Variants in PILRB observed in about 807,000 individuals in gnomAD.
PILRB encodes paired immunoglobulin-like type 2 receptor beta.
PILRB carries 21 observed loss-of-function variants against 20.5 expected under a neutral mutation model. That is an observed-to-expected ratio of 1.02 (90% CI 0.72 to 1.47). The LOEUF (loss-of-function observed/expected upper bound fraction) is 1.47, where lower values mean the gene tolerates loss of function less well. Ranked by LOEUF, PILRB falls within the 40% of genes most tolerant of loss-of-function variation. The pLI is 0.00. For missense variants in PILRB, 253 were observed against 272.1 expected (o/e 0.93, Z 0.49); for synonymous variants, 133 against 115.1 (o/e 1.16, Z -0.99).
At chr7:100,367,144 C>G (rs766343161) in intron 3 of PILRB, among the ~76,000 whole-genome samples, 16 of 152,112 alleles carry the variant, frequency 1.1e-4, no homozygotes, top group Non-Finnish European at 1.9e-4. Flanking sequence ...CTGGGCCTCC[C>G]CAAGGGAGTG....
At position 100,364,694 on chromosome 7, in the gene PILRB, CTT is replaced by C. The variant is rs543554278; in HGVS notation, c.656-2654_656-2653del. Among the ~76,000 whole-genome samples, 225 of 152,358 alleles carry C rather than the reference CTT, an allele frequency of 1.5e-3. 1 individual carries two copies. Among genetic ancestry groups the C allele is most frequent in the Middle Eastern group, 6.8e-3 (2 of 294 alleles). On this transcript the variant is annotated intron_variant, in intron 3 of 3. Transcript: ENST00000609309. The stretch of plus-strand genomic sequence containing the variant: ...ACTACCATATGATCCAACAATCTCA[CTT>C]CTGGGCATCTATCCAACCAATTGAA...
rs1394542925 is a variant in PILRB, at chr7:100,366,261, T to TA, written c.656-1087dup. Among the ~76,000 whole-genome samples, 11 of 152,290 alleles carry TA rather than the reference T, an allele frequency of 7.2e-5. 1 individual carries two copies. The South Asian group carries it at 1.4e-3, about 20-fold the overall frequency. Reference sequence around the variant, plus strand: ...GAGCCACCGCACCCACCTTAGGTGTTAGGCTGGAAGGAGTGAAAGTTGCAA... The same window carrying TA: ...GAGCCACCGCACCCACCTTAGGTGTTAAGGCTGGAAGGAGTGAAAGTTGCAA... On this transcript the variant is annotated intron_variant, in intron 3 of 3. Transcript: ENST00000609309.
At position 100,358,913 on chromosome 7, in the gene PILRB, G is replaced by A; in HGVS notation, c.288G>A (p.Arg96=). 6.2e-7 allele frequency: 1 copy of A among 1,614,164 alleles called. No individual in the cohort carries two copies. Among genetic ancestry groups the A allele is most frequent in the Non-Finnish European group, 8.5e-7 (1 of 1,180,030 alleles). ...PPSIHKDYVN[R]LFLNWTEGQE... is the part of the protein sequence containing the mutation. ...CCATTCACAAGGATTATGTGAACCGGCTCTTTCTGAACTGGACAGAGGGTC... is the reference window on the plus strand; with the variant it reads ...CCATTCACAAGGATTATGTGAACCGACTCTTTCTGAACTGGACAGAGGGTC... Residue 96 remains arginine, a synonymous_variant, in exon 2 of 4, where the codon CGG becomes CGA. Transcript: ENST00000609309.
chr7:100,365,959 T>G (rs1790671958), intron 3 of PILRB, among the ~76,000 whole-genome samples: 1 of 149,832 alleles, frequency 6.7e-6, no homozygotes, highest in African/African-American at 2.5e-5. Context: ...GTTTTTTTTT[T>G]TTTTTTTTTT....
rs375389489 is a variant in PILRB at position 100,358,939 on chromosome 7, A to G, written c.314A>G (p.Gln105Arg). 5.6e-6 allele frequency: 9 copies of G among 1,614,060 alleles called. No homozygotes were observed. Among genetic ancestry groups the G allele is most frequent in the Non-Finnish European group, 5.1e-6 (6 of 1,180,038 alleles). Residue 105 changes from glutamine to arginine, a missense_variant, in exon 2 of 4, where the codon CAG becomes CGG. By Grantham distance (43) the Gln-to-Arg change is conservative. Coordinates refer to ENST00000609309, the MANE Select transcript of PILRB (RefSeq NM_178238.4). ...CTCTTTCTGAACTGGACAGAGGGTC[A>G]GGAGAGCGGCTTCCTCAGGATCTCA... is the stretch of plus-strand genomic sequence containing the variant. Reference protein sequence around the residue: ...NRLFLNWTEGQESGFLRISNL... With the variant: ...NRLFLNWTEGRESGFLRISNL...
intron 3 of PILRB, among the ~76,000 whole-genome samples, chr7:100,365,558 C>G (rs1790656815): frequency 1.3e-5 from 2 of 152,130 alleles, no homozygotes; most frequent in African/African-American, 4.8e-5. Context: ...GTGGCTCACG[C>G]CTGTGAGGAA....
chr7:100,362,596 C>G (rs551333474), intron 3 of PILRB, among the ~76,000 whole-genome samples: 2 of 152,056 alleles, frequency 1.3e-5, no homozygotes, highest in Admixed American at 1.3e-4. Flanking sequence ...GCAACTTCTG[C>G]CTCCCGGGTT....
chr7:100,366,914 C>T (rs528112114), intron 3 of PILRB, among the ~76,000 whole-genome samples: 117 of 151,910 alleles, frequency 7.7e-4, no homozygotes, highest in Middle Eastern at 6.8e-3. Flanking sequence ...GAGAACAGGT[C>T]GGGGGGGAGC....
rs568913855 is a variant in PILRB at position 100,367,419 on chromosome 7, G to A, written c.*42G>A. On this transcript the variant is annotated 3_prime_UTR_variant, in exon 4 of 4. Transcript: ENST00000609309. ...AGAAGGGATGTGTATTAGCCCCGGA[G>A]GACGTGATGTGAGACCCGCTTGTGA... The A allele has an allele frequency of 5.1e-6, 4 of 780,266 alleles. No individual in the cohort carries two copies. The highest frequency in any genetic ancestry group is 9.6e-6 in the Non-Finnish European group (4 of 417,438). 48.3% of individuals were successfully genotyped at this position (780,266 alleles called of 1,614,324 possible).
In PILRB at chr7:100,358,768, CTG is replaced by C; in HGVS notation, c.146_147del (p.Val49GlyfsTer171). ...CACCTCTCAGCCTCCATGGGTGGCTCTGTGGAAATCCCCTTCTCCTTCTATTA... is the reference window on the plus strand; with the variant it reads ...CACCTCTCAGCCTCCATGGGTGGCTCTGGAAATCCCCTTCTCCTTCTATTA... On this transcript the variant is annotated frameshift_variant, in exon 2 of 4. Transcript: ENST00000609309. LOFTEE classifies it high-confidence loss of function. 1 of 1,613,956 alleles carries C rather than the reference CTG, an allele frequency of 6.2e-7. No homozygotes were observed. Among genetic ancestry groups the C allele is most frequent in the Non-Finnish European group, 8.5e-7 (1 of 1,179,850 alleles).
Position 100,367,406 on chromosome 7 carries a change from T to C in PILRB, c.*29T>C, listed in dbSNP as rs199958524. On this transcript the variant is annotated 3_prime_UTR_variant, in exon 4 of 4. Coordinates refer to ENST00000609309, the MANE Select transcript of PILRB (RefSeq NM_178238.4). Reference sequence around the variant, plus strand: ...ACAGAGTGTGGGGAGAAGGGATGTGTATTAGCCCCGGAGGACGTGATGTGA... The same window carrying C: ...ACAGAGTGTGGGGAGAAGGGATGTGCATTAGCCCCGGAGGACGTGATGTGA... 4 of 780,832 alleles carry C rather than the reference T, an allele frequency of 5.1e-6. No individual in the cohort carries two copies. The allele number at this position is 780,832 out of a possible 1,614,324, so 48.4% of individuals were successfully genotyped here. A position where few individuals can be genotyped will look rare whatever the true frequency, so the allele number is the denominator to read the frequency against.
intron 3 of PILRB, among the ~76,000 whole-genome samples, chr7:100,362,405 A>T (rs1434281500): frequency 1.3e-5 from 2 of 152,198 alleles, no homozygotes; most frequent in African/African-American, 4.8e-5. Flanking sequence ...TGTATCACCC[A>T]AAACAGGAAA....
chr7:100,358,584 C>T (rs990027182), intron 1 of PILRB, 106 bp from the exon 2 acceptor site: 21 of 1,441,038 alleles, frequency 1.5e-5, no homozygotes, highest in Non-Finnish European at 1.9e-5. Flanking sequence ...AGCCACCTGT[C>T]ACACGACTGC....
In PILRB at chr7:100,358,313, C is replaced by T; in HGVS notation, c.11C>T (p.Pro4Leu). MGR[P>L]LLLPLLLLLQ... The stretch of plus-strand genomic sequence containing the variant: ...GAGAAGAACAAGGCCATGGGTCGGC[C>T]CCTGCTGCTGCCCCTGCTGCTCCTG... Residue 4 changes from proline to leucine, a missense_variant, in exon 1 of 4, where the codon CCC becomes CTC. By Grantham distance (98) the Pro-to-Leu change is moderately conservative (BLOSUM62 -3). Coordinates refer to ENST00000609309, the MANE Select transcript of PILRB (RefSeq NM_178238.4). 1.2e-6 allele frequency: 2 copies of T among 1,612,830 alleles called. No individual in the cohort carries two copies. The highest frequency in any genetic ancestry group is 1.7e-6 in the Non-Finnish European group (2 of 1,179,918).
rs932839990 is a variant in PILRB at position 100,358,935 on chromosome 7, G to A, written c.310G>A (p.Gly104Ser). ...CCGGCTCTTTCTGAACTGGACAGAG[G>A]GTCAGGAGAGCGGCTTCCTCAGGAT... ...VNRLFLNWTE[G>S]QESGFLRISN... The change falls in exon 2 of 4, where the codon GGT (glycine) becomes AGT (serine). Residue 104 changes from glycine to serine, a missense_variant. Gly to Ser is a moderately conservative substitution (Grantham distance 56, BLOSUM62 0). Coordinates refer to ENST00000609309, the MANE Select transcript of PILRB (RefSeq NM_178238.4). 5 of 1,614,118 alleles carry A rather than the reference G, an allele frequency of 3.1e-6. No homozygotes were observed. Among genetic ancestry groups the A allele is most frequent in the Non-Finnish European group, 4.2e-6 (5 of 1,180,020 alleles).
intron 3 of PILRB, among the ~76,000 whole-genome samples, chr7:100,364,613 T>A (rs1438752818): frequency 6.6e-6 from 1 of 152,242 alleles, no homozygotes; most frequent in Non-Finnish European, 1.5e-5. Context: ...GAAGCTGCCA[T>A]GGCAGATTAG....
Position 100,359,086 on chromosome 7 carries a change from C to T in PILRB, c.454+7C>T. The stretch of plus-strand genomic sequence containing the variant: ...AAACTCACCATCACCCAGGGTGAGT[C>T]CAGCTGCCCTGACACCTGCCTTGCC... On this transcript the variant is annotated splice_region_variant and intron_variant, in intron 2 of 3. Coordinates refer to ENST00000609309, the MANE Select transcript of PILRB (RefSeq NM_178238.4). 4 of 1,613,906 alleles carry T rather than the reference C, an allele frequency of 2.5e-6. No homozygotes were observed. The highest frequency in any genetic ancestry group is 1.7e-6 in the Non-Finnish European group (2 of 1,179,964).
chr7:100,365,831 T>C (rs576914996), intron 3 of PILRB, among the ~76,000 whole-genome samples: 2 of 152,116 alleles, frequency 1.3e-5, no homozygotes, highest in African/African-American at 4.8e-5. Context: ...AAAAGAACTT[T>C]TGGGTTTCAG....
intron 3 of PILRB, among the ~76,000 whole-genome samples, chr7:100,366,427 C>T (rs897526967): frequency 2.6e-5 from 4 of 151,682 alleles, no homozygotes; most frequent in African/African-American, 9.7e-5. Flanking sequence ...TCTCTGTGGA[C>T]GTGGAGCCCT....
Sources: allele counts gnomAD v4.1 joint callset (sites outside exome capture counted in the v4.1 genomes callset), GRCh38; gene constraint gnomAD v4.1.1; transcripts MANE v1.5; gene names NCBI Gene and HGNC (gene_info 2026-07-23, HGNC 2026-07-21).